The following MYCBP2 variants were observed in gnomAD, a reference collection of about 807,000 sequenced individuals.
MYCBP2 encodes E3 ubiquitin-protein ligase MYCBP2.
Under a neutral mutation model 525.3 loss-of-function variants are expected in MYCBP2, and 120 were observed. The observed-to-expected ratio is 0.23, with a 90% CI of 0.20 to 0.27. MYCBP2 has a LOEUF of 0.27. Among genes scored for constraint, MYCBP2 ranks in the 10% least tolerant of loss-of-function variants. The pLI, the probability that MYCBP2 is intolerant of heterozygous loss-of-function variation, is 1.00. For synonymous variants in MYCBP2, 1,894 were observed against 1,955.8 expected (o/e 0.97, Z 0.83); for missense variants, 4,149 against 5,657.1 (o/e 0.73, Z 8.55).
chr13:77,078,413 T>G (rs2042699304), intron 66 of MYCBP2, among the ~76,000 whole-genome samples: 1 of 152,196 alleles, frequency 6.6e-6, no homozygotes, highest in Non-Finnish European at 1.5e-5. Flanking sequence ...ACTTGCAACC[T>G]GGATATAGCT....
rs576532538 is a variant in MYCBP2 at position 77,221,698 on chromosome 13, A to T, written c.2939+2753T>A. On this transcript the variant is annotated intron_variant, in intron 20 of 82. Coordinates refer to ENST00000544440, the MANE Select transcript of MYCBP2 (RefSeq NM_015057.5). ...TAACCACCAGCTAAATAACAACAACAATAGCCACGATGATACAAATAAACC... is the reference window on the plus strand; with the variant it reads ...TAACCACCAGCTAAATAACAACAACTATAGCCACGATGATACAAATAAACC... Among the ~76,000 whole-genome samples the T allele has an allele frequency of 2.6e-5, 4 of 152,242 alleles. No homozygotes were observed. The South Asian group carries it at 6.2e-4, about 24-fold the overall frequency.
chr13:77,238,491 A>T (rs1033393886), intron 17 of MYCBP2, among the ~76,000 whole-genome samples: 1 of 152,216 alleles, frequency 6.6e-6, no homozygotes, highest in African/African-American at 2.4e-5. Flanking sequence ...TGACTTCAAG[A>T]GCCCTACTTA....
intron 30 of MYCBP2, among the ~76,000 whole-genome samples, chr13:77,187,862 T>C (rs1246719292): frequency 1.3e-5 from 2 of 151,442 alleles, no homozygotes; most frequent in Admixed American, 6.6e-5. Context: ...CTGTTCGAGG[T>C]CAGGGGTTCG....
intron 61 of MYCBP2, among the ~76,000 whole-genome samples, chr13:77,087,961 T>C (rs2044649869): frequency 6.6e-6 from 1 of 151,972 alleles, no homozygotes; most frequent in Non-Finnish European, 1.5e-5. Context: ...TAAAACTTTT[T>C]TTTTGTAGAA....
At chr13:77,185,814 C>A in intron 31 of MYCBP2, 57 bp downstream of exon 31, 2 of 1,269,810 alleles carry the variant, frequency 1.6e-6, no homozygotes, top group Non-Finnish European at 1.1e-6. Flanking sequence ...CAAAGTAAAT[C>A]TTCTCAATGT....
intron 24 of MYCBP2, among the ~76,000 whole-genome samples, chr13:77,206,334 T>C (rs1480476723): frequency 6.7e-6 from 1 of 149,060 alleles, no homozygotes; most frequent in Admixed American, 6.7e-5. Flanking sequence ...ATAATATACA[T>C]AAATTAAATA....
intron 57 of MYCBP2, among the ~76,000 whole-genome samples, chr13:77,096,099 G>A (rs567925760): frequency 1.9e-4 from 29 of 152,074 alleles, no homozygotes; most frequent in South Asian, 1.7e-3. Flanking sequence ...TGTAGCAGAG[G>A]TTATCTAGTG....
intron 8 of MYCBP2, 30 bp downstream of exon 8, chr13:77,267,811 G>A (rs1222650642): frequency 1.3e-6 from 2 of 1,513,818 alleles, no homozygotes; most frequent in South Asian, 1.1e-5. Context: ...AAAATTGCTT[G>A]TGGAGAAAAA....
chr13:77,244,068 A>G (rs1431418371), intron 15 of MYCBP2, 117 bp from the exon 16 acceptor site: 18 of 1,125,130 alleles, frequency 1.6e-5, no homozygotes, highest in Non-Finnish European at 1.8e-5. Flanking sequence ...TGAGTAAGCA[A>G]TGAAATCACC....
chr13:77,105,687 A>C (rs1250127114), intron 55 of MYCBP2, among the ~76,000 whole-genome samples: 1 of 152,130 alleles, frequency 6.6e-6, no homozygotes, highest in Non-Finnish European at 1.5e-5. Context: ...AATCCTGTTA[A>C]TACAGATAAG....
In MYCBP2 at chr13:77,294,127, T is replaced by TATATATATATATATATAC. The variant is rs1350132831; in HGVS notation, c.378+2471_378+2472insGTATATATATATATATAT. Among the ~76,000 whole-genome samples the TATATATATATATATATAC allele has an allele frequency of 1.4e-3, 85 of 60,846 alleles. 2 individuals are homozygous for TATATATATATATATATAC. The highest frequency in any genetic ancestry group is 8.6e-3 in the Middle Eastern group (1 of 116). 39.9% of individuals were successfully genotyped at this position (60,846 alleles called of 152,430 possible). A position where few individuals can be genotyped will look rare whatever the true frequency, so the allele number is the denominator to read the frequency against. ...GGCTATATATATATATATATATATATATACATATATATATACATATATATA... is the reference window on the plus strand; with the variant it reads ...GGCTATATATATATATATATATATATATATATATATATATATACATACATATATATATACATATATATA... On this transcript the variant is annotated intron_variant, in intron 2 of 82. Transcript: ENST00000544440.
At chr13:77,054,890 T>G (rs1479534323) in intron 80 of MYCBP2, among the ~76,000 whole-genome samples, 2 of 152,158 alleles carry the variant, frequency 1.3e-5, no homozygotes, top group African/African-American at 2.4e-5. Flanking sequence ...TGTGAGCCAC[T>G]GTGCCCGGCC....
At chr13:77,285,393 A>G (rs552657447) in intron 3 of MYCBP2, among the ~76,000 whole-genome samples, 1 of 152,122 alleles carries the variant, frequency 6.6e-6, no homozygotes, top group Admixed American at 6.6e-5. Context: ...TTTTATCTCA[A>G]TCTCTCCTAG....
intron 3 of MYCBP2, among the ~76,000 whole-genome samples, chr13:77,282,176 C>T (rs1156562746): frequency 6.6e-6 from 1 of 151,946 alleles, no homozygotes; most frequent in Non-Finnish European, 1.5e-5. Flanking sequence ...TTTGGGAGGC[C>T]AAGGTTGGGA....
chr13:77,317,205 G>A (rs1002730986), intron 1 of MYCBP2, among the ~76,000 whole-genome samples: 1 of 152,186 alleles, frequency 6.6e-6, no homozygotes, highest in African/African-American at 2.4e-5. Context: ...ACTCATCTCG[G>A]CCTCCCAAAG....
At position 77,081,275 on chromosome 13, in the gene MYCBP2, T is replaced by C; in HGVS notation, c.11418+152A>G. ...GCTCCCAATCATATTAATTTGTTTT[T>C]AGACTTAAGATTTATTTGGGGATTA... On this transcript the variant is annotated intron_variant, in intron 65 of 82. Transcript: ENST00000544440. This position sits in a 1 kb window ranked among gnomAD's most constrained non-coding sequence, Gnocchi z 4.6. 1.5e-6 allele frequency: 1 copy of C among 676,096 alleles called. No individual in the cohort carries two copies. The highest frequency in any genetic ancestry group is 2.9e-5 in the Admixed American group (1 of 34,840). The allele number at this position is 676,096 out of a possible 1,614,324, so 41.9% of individuals were successfully genotyped here.
intron 14 of MYCBP2, 59 bp downstream of exon 14, chr13:77,257,612 T>C (rs1033589472): frequency 2.8e-6 from 4 of 1,441,440 alleles, no homozygotes; most frequent in Admixed American, 2.5e-5. Context: ...CACTATGTTG[T>C]TCTGAAAAAC....
Position 77,140,874 on chromosome 13 carries a change from T to C in MYCBP2, c.7373A>G (p.Lys2458Arg). 1 of 1,612,894 alleles carries C rather than the reference T, an allele frequency of 6.2e-7. No individual in the cohort carries two copies. Among genetic ancestry groups the C allele is most frequent in the Non-Finnish European group, 8.5e-7 (1 of 1,179,676 alleles). The change falls in exon 50 of 83, where the codon AAA becomes AGA. Residue 2458 changes from lysine (K) to arginine (R), a missense_variant. By Grantham distance (26) the Lys-to-Arg change is conservative (BLOSUM62 2). Transcript: ENST00000544440. Reference sequence around the variant, plus strand: ...ATTAGGCTGAGGTTCAGACTTTGGTTTGACCAACTGAGTTCCTGGTGGTAT... The same window carrying C: ...ATTAGGCTGAGGTTCAGACTTTGGTCTGACCAACTGAGTTCCTGGTGGTAT... Reference protein sequence around the residue: ...GMIPPGTQLVKPKSEPQPNKV... With the variant: ...GMIPPGTQLVRPKSEPQPNKV...
chr13:77,121,968 T>C (rs1398311044), intron 54 of MYCBP2, among the ~76,000 whole-genome samples: 1 of 152,150 alleles, frequency 6.6e-6, no homozygotes, highest in Admixed American at 6.5e-5. Context: ...AAGTTATGAA[T>C]GTGAAAATTA....
Sources: gnomAD v4.1 joint callset for allele counts (sites outside exome capture counted in the v4.1 genomes callset) on GRCh38, gnomAD v4.1.1 for gene constraint, Gnocchi (gnomAD v3.1) non-coding constraint, MANE v1.5 for transcripts, NCBI Gene and HGNC (gene_info 2026-07-23, HGNC 2026-07-21) for gene names.